PDE4D: variants seen among roughly 807,000 people sequenced by gnomAD.
PDE4D encodes the protein phosphodiesterase 4D.
Under a neutral mutation model 87.4 loss-of-function variants are expected in PDE4D, and 24 were observed. That is an observed-to-expected ratio of 0.27 (90% CI 0.20 to 0.39). The LOEUF is 0.39. Among genes scored for constraint, PDE4D ranks in the 10% least tolerant of loss-of-function variants. The pLI, the probability that PDE4D is intolerant of heterozygous loss-of-function variation, is 1.00. For missense variants in PDE4D, 714 were observed against 1,041.0 expected (o/e 0.69, Z 4.32); for synonymous variants, 384 against 383.2 (o/e 1.00, Z -0.02).
At chr5:60,251,508 C>T (rs763000695) in intron 1 of PDE4D, among the ~76,000 whole-genome samples, 16 of 151,952 alleles carry the variant, frequency 1.1e-4, no homozygotes, top group Non-Finnish European at 2.2e-4. Context: ...TGGCTTCCAG[C>T]TCCATCTATA....
At chr5:60,197,993 A>T (rs1741465728) in intron 1 of PDE4D, among the ~76,000 whole-genome samples, 1 of 150,954 alleles carries the variant, frequency 6.6e-6, no homozygotes. Context: ...GCTTTTTTAC[A>T]TTAAAAATAA....
intron 1 of PDE4D, among the ~76,000 whole-genome samples, chr5:60,190,574 A>G (rs1287030575): frequency 6.6e-6 from 1 of 152,224 alleles, no homozygotes; most frequent in African/African-American, 2.4e-5. Context: ...AACGTAGAGT[A>G]CAAATAGGGT....
intron 1 of PDE4D, among the ~76,000 whole-genome samples, chr5:60,472,662 T>G (rs1747900024): frequency 6.6e-6 from 1 of 152,122 alleles, no homozygotes; most frequent in South Asian, 2.1e-4. Context: ...GTGCTTCCAC[T>G]CAAGCCTATT....
intron 1 of PDE4D, among the ~76,000 whole-genome samples, chr5:60,246,646 CTTATAT>C (rs1035559064): frequency 2.0e-5 from 3 of 151,192 alleles, no homozygotes; most frequent in African/African-American, 7.3e-5. Flanking sequence ...CTTATTTTTT[CTTATAT>C]TTATAATTCA....
chr5:59,465,339 C>A (rs907906700), intron 1 of PDE4D, among the ~76,000 whole-genome samples: 2 of 152,150 alleles, frequency 1.3e-5, no homozygotes, highest in African/African-American at 4.8e-5. Flanking sequence ...ACCACCTTAA[C>A]CACTATTACT....
intron 1 of PDE4D, among the ~76,000 whole-genome samples, chr5:59,292,144 A>G (rs550243665): frequency 5.8e-4 from 89 of 152,264 alleles, no homozygotes; most frequent in African/African-American, 2.1e-3. Context: ...ACCCAAGACC[A>G]TGAAATTTAA....
intron 2 of PDE4D, among the ~76,000 whole-genome samples, chr5:60,148,587 T>C (rs1220074358): frequency 1.3e-5 from 2 of 152,198 alleles, no homozygotes; most frequent in African/African-American, 4.8e-5. Context: ...TGAGTCATTA[T>C]AATTTTGTAC....
At chr5:59,545,867 TG>T (rs1158960904) in intron 1 of PDE4D, among the ~76,000 whole-genome samples, 1 of 152,226 alleles carries the variant, frequency 6.6e-6, no homozygotes, top group African/African-American at 2.4e-5. Context: ...CATTAAATCC[TG>T]TAAAAAGATT....
At chr5:59,622,563 A>C (rs572383802) in intron 1 of PDE4D, among the ~76,000 whole-genome samples, 5 of 151,998 alleles carry the variant, frequency 3.3e-5, no homozygotes, top group Non-Finnish European at 5.9e-5. Flanking sequence ...GCACACCCCG[A>C]TCTCTCTCCC....
chr5:60,155,181 C>A (rs983488137), intron 2 of PDE4D, among the ~76,000 whole-genome samples: 2 of 152,186 alleles, frequency 1.3e-5, no homozygotes, highest in African/African-American at 4.8e-5. Context: ...AAGAGTTTTT[C>A]AAGCCAATTA....
At chr5:59,232,150 A>G (rs1457267187) in intron 1 of PDE4D, among the ~76,000 whole-genome samples, 2 of 152,186 alleles carry the variant, frequency 1.3e-5, no homozygotes, top group African/African-American at 4.8e-5. Flanking sequence ...CATTGCAACA[A>G]AAACAAAAAC....
chr5:60,292,559 C>T (rs531293822), intron 1 of PDE4D, among the ~76,000 whole-genome samples: 1 of 152,326 alleles, frequency 6.6e-6, no homozygotes, highest in Non-Finnish European at 1.5e-5. Flanking sequence ...CCAAACAAGT[C>T]TAATTCTACT....
At chr5:60,095,281 A>C (rs561765957) in intron 2 of PDE4D, among the ~76,000 whole-genome samples, 30 of 152,262 alleles carry the variant, frequency 2.0e-4, no homozygotes, top group Admixed American at 6.5e-4. Context: ...GCTCCCACCT[A>C]TGAGTGAGAA....
intron 1 of PDE4D, among the ~76,000 whole-genome samples, chr5:60,380,898 T>A (rs1761810699): frequency 6.6e-6 from 1 of 152,180 alleles, no homozygotes; most frequent in East Asian, 1.9e-4. Flanking sequence ...CACCACAGTA[T>A]GTGCTCTGAA....
intron 5 of PDE4D, among the ~76,000 whole-genome samples, chr5:59,096,120 A>T (rs5010782): frequency 0.66 from 100,078 of 151,932 alleles, 33,134 homozygotes; most frequent in East Asian, 0.81. Context: ...CAGAGGAAAT[A>T]GCTGAAAAGG....
At chr5:59,190,230 T>C (rs1420011952) in intron 3 of PDE4D, among the ~76,000 whole-genome samples, 1 of 152,152 alleles carries the variant, frequency 6.6e-6, no homozygotes, top group Non-Finnish European at 1.5e-5. Flanking sequence ...TTAGGAGCCA[T>C]GGGACAGAAA....
At chr5:59,775,867 C>G (rs1378795759) in intron 1 of PDE4D, among the ~76,000 whole-genome samples, 1 of 152,120 alleles carries the variant, frequency 6.6e-6, no homozygotes. Flanking sequence ...GACCGGCCCC[C>G]AAGAAAGGAT....
chr5:59,633,977 G>A lies in PDE4D; in HGVS notation c.455+259191C>T, dbSNP rs191342064. Among the ~76,000 whole-genome samples, 65 of 152,104 alleles carry A rather than the reference G, an allele frequency of 4.3e-4. 1 individual carries two copies. The highest frequency in any genetic ancestry group is 4.1e-3 in the Admixed American group (63 of 15,288). On this transcript the variant is annotated intron_variant, in intron 1 of 14. Coordinates refer to ENST00000340635, the MANE Select transcript of PDE4D (RefSeq NM_001104631.2). ...CAGAGTCAAGACCCATCAATGTGCT[G>A]TATTTAGTAGACTCATCTCATGTGC... is the stretch of plus-strand genomic sequence containing the variant.
chr5:59,161,890 A>G (rs1781165354), intron 5 of PDE4D, among the ~76,000 whole-genome samples: 2 of 152,210 alleles, frequency 1.3e-5, no homozygotes. Flanking sequence ...GATTACGCAC[A>G]AAGAGACAAA....
Sources: allele counts gnomAD v4.1 joint callset (sites outside exome capture counted in the v4.1 genomes callset), GRCh38; gene constraint gnomAD v4.1.1; transcripts MANE v1.5; gene names NCBI Gene and HGNC (gene_info 2026-07-23, HGNC 2026-07-21).